The following POU6F2 variants were observed in gnomAD, a reference collection of about 807,000 sequenced individuals.
POU6F2 encodes POU domain, class 6, transcription factor 2.
POU6F2 carries 31 observed loss-of-function variants against 71.3 expected under a neutral mutation model. The observed-to-expected ratio is 0.43, with a 90% CI of 0.33 to 0.59. The LOEUF is 0.59. POU6F2 is among the 20% of genes least tolerant of loss of function. POU6F2 has a pLI of 0.04. For missense variants in POU6F2, 783 were observed against 856.8 expected, an observed-to-expected ratio of 0.91 and a Z score of 1.07; for synonymous variants, 347 against 355.7, an observed-to-expected ratio of 0.98 and a Z score of 0.27.
intron 1 of POU6F2, among the ~76,000 whole-genome samples, chr7:39,015,741 ATATT>A (rs371875907): frequency 2.5e-4 from 12 of 48,304 alleles, no homozygotes; most frequent in Admixed American, 3.8e-4. Flanking sequence ...ATATAGATAT[ATATT>A]ATATATTATA....
intron 1 of POU6F2, among the ~76,000 whole-genome samples, chr7:38,999,168 C>T (rs1161288318): frequency 1.3e-5 from 2 of 152,080 alleles, no homozygotes; most frequent in Non-Finnish European, 2.9e-5. Context: ...CTTTACATGA[C>T]ATTTGAAAAA....
intron 2 of POU6F2, among the ~76,000 whole-genome samples, chr7:39,187,329 G>A (rs1174360547): frequency 6.6e-6 from 1 of 152,218 alleles, no homozygotes; most frequent in East Asian, 1.9e-4. Context: ...GATGGAGGCT[G>A]TGTCTTCGCC....
At chr7:39,027,343 A>G (rs1479533792) in intron 1 of POU6F2, among the ~76,000 whole-genome samples, 1 of 152,204 alleles carries the variant, frequency 6.6e-6, no homozygotes, top group Non-Finnish European at 1.5e-5. Flanking sequence ...GGCTTATGCC[A>G]TCATCCAATC....
In POU6F2 at chr7:39,460,809, G is replaced by T; in HGVS notation, c.1658+94G>T. 4 of 1,368,538 alleles carry T rather than the reference G, an allele frequency of 2.9e-6. No individual in the cohort carries two copies. Among genetic ancestry groups the T allele is most frequent in the Non-Finnish European group, 3.9e-6 (4 of 1,035,514 alleles). The allele number at this position is 1,368,538 out of a possible 1,614,324, so 84.8% of individuals were successfully genotyped here. ...TTTTCTTCGTCGGGTGGGCAAAGCTGGAGGGGCAGAGAGTGGGAACAAAGT... is the reference window on the plus strand; with the variant it reads ...TTTTCTTCGTCGGGTGGGCAAAGCTTGAGGGGCAGAGAGTGGGAACAAAGT... On this transcript the variant is annotated intron_variant, in intron 9 of 9. Transcript: ENST00000518318. The surrounding 1 kb of genome is among the most constrained non-coding windows in gnomAD (Gnocchi z 4.4).
chr7:39,309,132 C>G (rs985298213), intron 4 of POU6F2, among the ~76,000 whole-genome samples: 1 of 152,134 alleles, frequency 6.6e-6, no homozygotes, highest in African/African-American at 2.4e-5. Flanking sequence ...TAAATCAGAA[C>G]GAGGGGGAGG....
At chr7:39,036,204 G>C (rs1267888873) in intron 1 of POU6F2, among the ~76,000 whole-genome samples, 1 of 152,074 alleles carries the variant, frequency 6.6e-6, no homozygotes, top group Non-Finnish European at 1.5e-5. Flanking sequence ...CCTTATCCCT[G>C]AGTCTTCTTT....
rs193121261 is a variant in POU6F2, at chr7:39,074,485, A to C, written c.106-11375A>C. ...ACAGAGTGAGACTTGTCCCCCCCTCAAAAAAAAAAATCTAAATTTAAAAAA... is the reference window on the plus strand; with the variant it reads ...ACAGAGTGAGACTTGTCCCCCCCTCCAAAAAAAAAATCTAAATTTAAAAAA... On this transcript the variant is annotated intron_variant, in intron 1 of 9. Coordinates refer to ENST00000518318, the MANE Select transcript of POU6F2 (RefSeq NM_001370959.1). 4.8e-3 allele frequency among the ~76,000 whole-genome samples: 653 copies of C among 135,378 alleles called. 3 individuals are homozygous for C. Among genetic ancestry groups the C allele is most frequent in the Middle Eastern group, 0.011 (3 of 266 alleles). The allele number at this position is 135,378 out of a possible 152,430, so 88.8% of individuals were successfully genotyped here.
At chr7:39,008,459 C>G (rs1317990245) in intron 1 of POU6F2, among the ~76,000 whole-genome samples, 3 of 150,750 alleles carry the variant, frequency 2.0e-5, no homozygotes, top group Non-Finnish European at 4.5e-5. Flanking sequence ...AAATTTTCTC[C>G]CATTTTGTAG....
intron 1 of POU6F2, among the ~76,000 whole-genome samples, chr7:39,052,405 G>T (rs1037174303): frequency 6.6e-6 from 1 of 152,094 alleles, no homozygotes; most frequent in Non-Finnish European, 1.5e-5. Context: ...GGCTGGAGAG[G>T]CCTCAGGAAG....
chr7:39,419,747 C>G (rs778380698), intron 6 of POU6F2, among the ~76,000 whole-genome samples: 11 of 151,996 alleles, frequency 7.2e-5, no homozygotes, highest in Non-Finnish European at 1.2e-4. Context: ...GTCTTGAAAC[C>G]CATGGTCCCG....
Position 39,428,473 on chromosome 7 carries a change from A to G in POU6F2, c.1114-4604A>G, listed in dbSNP as rs139610212. On this transcript the variant is annotated intron_variant, in intron 6 of 9. Transcript: ENST00000518318. ...AATCGGGGCAAAGACATAGAGGATC[A>G]TTGCAAACAATGCCTGAGCTATTTG... 4.3e-3 allele frequency among the ~76,000 whole-genome samples: 662 copies of G among 152,352 alleles called. 8 individuals are homozygous for G. The highest frequency in any genetic ancestry group is 0.015 in the African/African-American group (626 of 41,586).
intron 1 of POU6F2, among the ~76,000 whole-genome samples, chr7:39,056,512 A>G (rs935605008): frequency 6.6e-6 from 1 of 151,940 alleles, no homozygotes; most frequent in Non-Finnish European, 1.5e-5. Flanking sequence ...CTCCTTCTCC[A>G]TCTTTTTTAT....
chr7:39,455,109 GTTTTCAGAAAATCA>G (rs1788770142), intron 8 of POU6F2, among the ~76,000 whole-genome samples: 1 of 152,006 alleles, frequency 6.6e-6, no homozygotes. Context: ...TATAAGCAGG[GTTTTCAGAAAATCA>G]GAAGAAAAGT....
At chr7:39,323,276 A>G (rs561014673) in intron 4 of POU6F2, among the ~76,000 whole-genome samples, 201 of 152,294 alleles carry the variant, frequency 1.3e-3, no homozygotes, top group Non-Finnish European at 2.0e-3. Flanking sequence ...CATGGATCCC[A>G]GCAAGAGGAC....
chr7:39,261,605 C>T (rs939326773), intron 4 of POU6F2, among the ~76,000 whole-genome samples: 5 of 152,272 alleles, frequency 3.3e-5, no homozygotes, highest in African/African-American at 1.2e-4. Context: ...TGTTTACGTG[C>T]CTTGTTCAAG....
intron 4 of POU6F2, among the ~76,000 whole-genome samples, chr7:39,278,688 C>T (rs527252898): frequency 7.9e-4 from 121 of 152,272 alleles, no homozygotes; most frequent in Admixed American, 2.2e-3. Flanking sequence ...CTCAAGAAAG[C>T]CCCTGTAGCC....
intron 5 of POU6F2, among the ~76,000 whole-genome samples, chr7:39,371,282 C>T (rs965304220): frequency 2.0e-5 from 3 of 151,760 alleles, no homozygotes; most frequent in South Asian, 2.1e-4. Context: ...CGGGTTCAAG[C>T]GATTCTCCTG....
chr7:39,097,677 C>G (rs924493861), intron 2 of POU6F2, among the ~76,000 whole-genome samples: 1 of 152,148 alleles, frequency 6.6e-6, no homozygotes, highest in Non-Finnish European at 1.5e-5. Context: ...TGTTGAGCAC[C>G]TGCTCTGTGG....
At chr7:39,228,900 C>G (rs970016988) in intron 4 of POU6F2, among the ~76,000 whole-genome samples, 1 of 152,186 alleles carries the variant, frequency 6.6e-6, no homozygotes, top group Non-Finnish European at 1.5e-5. Flanking sequence ...CTGGGAATGT[C>G]TTTCGGGCTC....
Sources: gnomAD v4.1 joint callset for allele counts (sites outside exome capture counted in the v4.1 genomes callset) on GRCh38, gnomAD v4.1.1 for gene constraint, Gnocchi (gnomAD v3.1) non-coding constraint, MANE v1.5 for transcripts, NCBI Gene and HGNC (gene_info 2026-07-23, HGNC 2026-07-21) for gene names.